FOXJ3: variants seen among roughly 807,000 people sequenced by gnomAD.
The protein encoded by FOXJ3 is forkhead box J3, also known as forkhead box protein J3.
In FOXJ3, 22 loss-of-function variants were observed where a neutral mutation model predicts 76.1. That is an observed-to-expected ratio of 0.29 (90% CI 0.21 to 0.41). FOXJ3 has a LOEUF of 0.41. FOXJ3 is among the 10% of genes least tolerant of loss of function. FOXJ3 has a pLI of 1.00. For synonymous variants in FOXJ3, 269 were observed against 261.2 expected (o/e 1.03, Z -0.29); for missense variants, 613 against 762.1 (o/e 0.80, Z 2.30).
chr1:42,226,423 C>A (rs887514339), intron 5 of FOXJ3, among the ~76,000 whole-genome samples: 4 of 152,132 alleles, frequency 2.6e-5, no homozygotes, highest in African/African-American at 9.7e-5. Context: ...ACAAGCCTGG[C>A]CAACATGGCA....
chr1:42,268,242 AG>A (rs1651617314), intron 3 of FOXJ3, among the ~76,000 whole-genome samples: 1 of 152,148 alleles, frequency 6.6e-6, no homozygotes. Flanking sequence ...AAAGGAATAA[AG>A]GTAAGAATTA....
chr1:42,247,516 G>A (rs1169707508), intron 4 of FOXJ3, among the ~76,000 whole-genome samples: 1 of 151,978 alleles, frequency 6.6e-6, no homozygotes, highest in Non-Finnish European at 1.5e-5. Context: ...ATGGTCAACA[G>A]GCACATCAAA....
intron 7 of FOXJ3, among the ~76,000 whole-genome samples, chr1:42,196,069 C>G (rs756682139): frequency 6.6e-5 from 10 of 152,230 alleles, no homozygotes; most frequent in Non-Finnish European, 4.4e-5. Context: ...AGGCATGGGA[C>G]TTTCTGCCTT....
intron 1 of FOXJ3, among the ~76,000 whole-genome samples, chr1:42,324,090 T>TATATATACACAGTGTATATATA (rs1655608375): frequency 5.7e-5 from 5 of 87,340 alleles, no homozygotes; most frequent in African/African-American, 2.6e-4. Context: ...GTATATATAC[T>TATATATACACAGTGTATATATA]GTATATATAC....
intron 1 of FOXJ3, among the ~76,000 whole-genome samples, chr1:42,312,214 C>T (rs1250163139): frequency 1.3e-5 from 2 of 152,144 alleles, no homozygotes; most frequent in South Asian, 2.1e-4. Context: ...CCTGCAATCT[C>T]TTGATTTTTT....
chr1:42,221,294 GCAT>G lies in FOXJ3; in HGVS notation c.528+6586_528+6588del, dbSNP rs200948161. On this transcript the variant is annotated intron_variant, in intron 5 of 12. Transcript: ENST00000361346. The stretch of plus-strand genomic sequence containing the variant: ...TCACACACAGAGAACTACTGAGACA[GCAT>G]CATAAGTTTCTATAAGCAAAGAATA... Among the ~76,000 whole-genome samples the G allele has an allele frequency of 4.6e-3, 696 of 152,256 alleles. 6 individuals are homozygous for G. The highest frequency in any genetic ancestry group is 0.016 in the African/African-American group (662 of 41,546).
At chr1:42,219,664 G>A (rs1486506662) in intron 5 of FOXJ3, among the ~76,000 whole-genome samples, 1 of 152,206 alleles carries the variant, frequency 6.6e-6, no homozygotes, top group Non-Finnish European at 1.5e-5. Context: ...AGTTTTGGGT[G>A]CCCAGCATGG....
chr1:42,199,049 G>A, intron 7 of FOXJ3, 53 bp downstream of exon 7: 1 of 1,439,608 alleles, frequency 6.9e-7, no homozygotes, highest in Non-Finnish European at 9.6e-7. Flanking sequence ...GTTTGGTTTA[G>A]TTTTAAGTAC....
intron 2 of FOXJ3, among the ~76,000 whole-genome samples, chr1:42,309,413 CA>C (rs1055955160): frequency 4.6e-5 from 7 of 152,194 alleles, no homozygotes; most frequent in Admixed American, 2.6e-4. Flanking sequence ...GATCTTCATT[CA>C]AATGTCCCCT....
In FOXJ3 at chr1:42,255,279, T is replaced by C. The variant is rs183569979; in HGVS notation, c.444+9836A>G. Among the ~76,000 whole-genome samples the C allele has an allele frequency of 6.2e-4, 95 of 152,298 alleles. 4 individuals are homozygous for C. In the Middle Eastern group the frequency reaches 0.01, roughly 16 times the overall value. The stretch of plus-strand genomic sequence containing the variant: ...GCGGTATAAAGTGTAAGGTATGAAG[T>C]GGAGGGTAGTATAATATTACCTCCA... On this transcript the variant is annotated intron_variant, in intron 4 of 12. Coordinates refer to ENST00000361346, the MANE Select transcript of FOXJ3 (RefSeq NM_014947.5).
In FOXJ3 at chr1:42,306,298, C is replaced by CTTT. The variant is rs9326121; in HGVS notation, c.44+4749_44+4751dup. Among the ~76,000 whole-genome samples the CTTT allele has an allele frequency of 6.0e-3, 488 of 81,652 alleles. 28 individuals carry two copies. Among genetic ancestry groups the CTTT allele is most frequent in the African/African-American group, 0.02 (445 of 22,308 alleles). 53.6% of individuals were successfully genotyped at this position (81,652 alleles called of 152,430 possible). A position where few individuals can be genotyped will look rare whatever the true frequency, so the allele number is the denominator to read the frequency against. On this transcript the variant is annotated intron_variant, in intron 2 of 12. Transcript: ENST00000361346. ...CATCCATCACTCTCTGAACTTTTTTCTTTTTTTTTTTTTTTTTTTTTTTGG... is the reference window on the plus strand; with the variant it reads ...CATCCATCACTCTCTGAACTTTTTTCTTTTTTTTTTTTTTTTTTTTTTTTTTGG...
rs768954519 is a variant in FOXJ3, at chr1:42,265,233, A to C, written c.370-44T>G. On this transcript the variant is annotated intron_variant, in intron 3 of 12. Coordinates refer to ENST00000361346, the MANE Select transcript of FOXJ3 (RefSeq NM_014947.5). The stretch of plus-strand genomic sequence containing the variant: ...AGCCATAAGGTCAATAAAATCCAAA[A>C]AACATAACCCAAATTTAAAAACAGA... The C allele has an allele frequency of 3.0e-6, 3 of 1,012,788 alleles. No individual in the cohort carries two copies. The East Asian group carries it at 7.7e-5, about 26-fold the overall frequency. The allele number at this position is 1,012,788 out of a possible 1,614,324, so 62.7% of individuals were successfully genotyped here. A position where few individuals can be genotyped will look rare whatever the true frequency, so the allele number is the denominator to read the frequency against.
chr1:42,203,997 A>G (rs1175176155), intron 6 of FOXJ3, among the ~76,000 whole-genome samples: 1 of 145,128 alleles, frequency 6.9e-6, no homozygotes, highest in Admixed American at 6.8e-5. Context: ...TCCTGTCTCA[A>G]AAAAAAAAAA....
intron 2 of FOXJ3, among the ~76,000 whole-genome samples, chr1:42,285,451 T>C (rs189614232): frequency 6.6e-6 from 1 of 152,144 alleles, no homozygotes; most frequent in East Asian, 1.9e-4. Flanking sequence ...TTGGCTCTAA[T>C]TACTCGAAGG....
At chr1:42,279,760 G>T (rs1652558729) in intron 2 of FOXJ3, among the ~76,000 whole-genome samples, 1 of 151,688 alleles carries the variant, frequency 6.6e-6, no homozygotes, top group African/African-American at 2.4e-5. Context: ...AGAGAAGAAT[G>T]AAAAGACTTC....
At chr1:42,180,319 A>G (rs1458583568) in intron 12 of FOXJ3, among the ~76,000 whole-genome samples, 1 of 152,202 alleles carries the variant, frequency 6.6e-6, no homozygotes, top group African/African-American at 2.4e-5. Flanking sequence ...GACATCAACA[A>G]GGGAACACAG....
chr1:42,197,391 A>G (rs1646672813), intron 7 of FOXJ3, among the ~76,000 whole-genome samples: 1 of 152,134 alleles, frequency 6.6e-6, no homozygotes, highest in Non-Finnish European at 1.5e-5. Context: ...TTCTTTATAT[A>G]TAATTTACTC....
chr1:42,283,570 T>C (rs1652866117), intron 2 of FOXJ3, among the ~76,000 whole-genome samples: 1 of 152,186 alleles, frequency 6.6e-6, no homozygotes, highest in African/African-American at 2.4e-5. Flanking sequence ...ATAAGAATAA[T>C]GAGGGTAACA....
At chr1:42,238,305 AT>A (rs1291613920) in intron 4 of FOXJ3, among the ~76,000 whole-genome samples, 1 of 151,602 alleles carries the variant, frequency 6.6e-6, no homozygotes, top group Non-Finnish European at 1.5e-5. Context: ...AAGTGCTGTG[AT>A]TATGGCATGG....
Sources: allele counts gnomAD v4.1 joint callset (sites outside exome capture counted in the v4.1 genomes callset), GRCh38; gene constraint gnomAD v4.1.1; transcripts MANE v1.5; gene names NCBI Gene and HGNC (gene_info 2026-07-23, HGNC 2026-07-21).